Variants in LRP1B observed in about 807,000 individuals in gnomAD.
The protein encoded by LRP1B is low-density lipoprotein receptor-related protein 1B.
LRP1B carries 217 observed loss-of-function variants against 556.6 expected under a neutral mutation model. That is an observed-to-expected ratio of 0.39 (90% CI 0.35 to 0.44). The LOEUF (loss-of-function observed/expected upper bound fraction) is 0.44, where lower values mean the gene tolerates loss of function less well. Ranked by LOEUF, LRP1B falls within the 20% of genes least tolerant of loss-of-function variation. The pLI, the probability that LRP1B is intolerant of heterozygous loss-of-function variation, is 1.00. For synonymous variants in LRP1B, 2,047 were observed against 1,865.8 expected (o/e 1.10, Z -2.50); for missense variants, 5,053 against 5,620.8 (o/e 0.90, Z 3.23).
In LRP1B at chr2:141,686,825, G is replaced by A. The variant is rs573782964; in HGVS notation, c.205+123454C>T. Among the ~76,000 whole-genome samples, 5 of 151,930 alleles carry A rather than the reference G, an allele frequency of 3.3e-5. No homozygotes were observed. In the South Asian group the frequency reaches 1.0e-3, roughly 32 times the overall value. On this transcript the variant is annotated intron_variant, in intron 2 of 90. Coordinates refer to ENST00000389484, the MANE Select transcript of LRP1B (RefSeq NM_018557.3). ...AATGGGTTATCATGGGAGGGGAACT[G>A]GTGGCTTTATAGGAAGAGGAAGACA...
chr2:140,309,782 T>C (rs1684216769), intron 83 of LRP1B, among the ~76,000 whole-genome samples: 1 of 151,828 alleles, frequency 6.6e-6, no homozygotes, highest in African/African-American at 2.4e-5. Flanking sequence ...TATTTCTTTA[T>C]ACAGATATTT....
At chr2:140,337,497 T>A (rs1349597721) in intron 77 of LRP1B, among the ~76,000 whole-genome samples, 1 of 151,884 alleles carries the variant, frequency 6.6e-6, no homozygotes, top group African/African-American at 2.4e-5. Context: ...CGTATTTTTA[T>A]TTTCAACTTG....
At chr2:140,509,083 A>AACACACACACACAC in intron 52 of LRP1B, among the ~76,000 whole-genome samples, 1 of 148,902 alleles carries the variant, frequency 6.7e-6, no homozygotes, top group East Asian at 2.0e-4. Context: ...CACACACACA[A>AACACACACACACAC]ACACACACAC....
intron 1 of LRP1B, among the ~76,000 whole-genome samples, chr2:141,869,024 G>A: frequency 6.6e-6 from 1 of 152,080 alleles, no homozygotes; most frequent in East Asian, 1.9e-4. Context: ...TATTGCCCTT[G>A]AAGGAGGCAA....
intron 7 of LRP1B, among the ~76,000 whole-genome samples, chr2:141,105,401 T>A (rs1209713990): frequency 2.0e-5 from 3 of 152,158 alleles, no homozygotes; most frequent in African/African-American, 7.2e-5. Context: ...GTGCTGTGTT[T>A]ACTCTTACCA....
At chr2:141,469,485 T>C (rs1354204885) in intron 3 of LRP1B, among the ~76,000 whole-genome samples, 4 of 134,076 alleles carry the variant, frequency 3.0e-5, no homozygotes, top group Admixed American at 7.6e-5. Context: ...GATTCCATTT[T>C]CCATGAGGGC....
At chr2:141,581,585 T>C (rs551414978) in intron 2 of LRP1B, among the ~76,000 whole-genome samples, 40 of 152,280 alleles carry the variant, frequency 2.6e-4, no homozygotes, top group African/African-American at 7.5e-4. Flanking sequence ...AACATGAATA[T>C]TTCTTTAAAA....
intron 56 of LRP1B, 41 bp from the exon 57 acceptor site, chr2:140,492,734 T>A: frequency 7.5e-7 from 1 of 1,337,586 alleles, no homozygotes; most frequent in Non-Finnish European, 1.1e-6. Flanking sequence ...TTTAAGTATG[T>A]ATGCTTTTCC....
intron 1 of LRP1B, among the ~76,000 whole-genome samples, chr2:142,085,671 A>G (rs1272693530): frequency 6.6e-6 from 1 of 152,162 alleles, no homozygotes; most frequent in Admixed American, 6.5e-5. Context: ...GTGTATGTGT[A>G]TGAGAGAAAC....
chr2:141,674,742 C>T lies in LRP1B; in HGVS notation c.205+135537G>A, dbSNP rs114891225. ...AAGGGTACACATATAAAAATGGAAT[C>T]GCAGGGAATTGTATCCAGATATTTC... On this transcript the variant is annotated intron_variant, in intron 2 of 90. Coordinates refer to ENST00000389484, the MANE Select transcript of LRP1B (RefSeq NM_018557.3). 1.4e-3 allele frequency among the ~76,000 whole-genome samples: 219 copies of T among 152,050 alleles called. 1 individual carries two copies. Among genetic ancestry groups the T allele is most frequent in the African/African-American group, 4.9e-3 (203 of 41,528 alleles).
intron 3 of LRP1B, among the ~76,000 whole-genome samples, chr2:141,285,998 C>T (rs1387121788): frequency 4.7e-5 from 5 of 106,992 alleles, no homozygotes; most frequent in African/African-American, 1.9e-4. Context: ...ACCCGGGAGG[C>T]GGAGCTTGCA....
intron 7 of LRP1B, among the ~76,000 whole-genome samples, chr2:141,086,634 GT>G (rs1700053891): frequency 2.6e-5 from 4 of 151,572 alleles, no homozygotes; most frequent in African/African-American, 9.7e-5. Flanking sequence ...GTGTGTGTGT[GT>G]GTGTGTGTGT....
intron 1 of LRP1B, among the ~76,000 whole-genome samples, chr2:142,040,354 TAATATTTGCACATTCCGGGAGGCA>T (rs1704021130): frequency 6.6e-6 from 1 of 151,342 alleles, no homozygotes; most frequent in Non-Finnish European, 1.5e-5. Flanking sequence ...GATTCTGAAA[TAATATTTGCACATTCCGGGAGGCA>T]AATTTATCCT....
At chr2:140,812,648 C>T (rs1293112909) in intron 32 of LRP1B, among the ~76,000 whole-genome samples, 1 of 150,772 alleles carries the variant, frequency 6.6e-6, no homozygotes, top group East Asian at 1.9e-4. Context: ...AGTAAAATGG[C>T]TAAAAGATTT....
At chr2:140,467,298 C>G (rs1422119509) in intron 60 of LRP1B, among the ~76,000 whole-genome samples, 1 of 152,000 alleles carries the variant, frequency 6.6e-6, no homozygotes, top group African/African-American at 2.4e-5. Context: ...ATGTTGACAC[C>G]TAATATCTCA....
chr2:141,655,550 T>C (rs1262608707), intron 2 of LRP1B, among the ~76,000 whole-genome samples: 1 of 152,134 alleles, frequency 6.6e-6, no homozygotes, highest in Non-Finnish European at 1.5e-5. Context: ...GAATATGCAT[T>C]TAATATTTTT....
intron 35 of LRP1B, among the ~76,000 whole-genome samples, chr2:140,767,106 AAACTCT>A: frequency 6.6e-6 from 1 of 151,750 alleles, no homozygotes; most frequent in Non-Finnish European, 1.5e-5. Flanking sequence ...GTCTGTGGCT[AAACTCT>A]GGTTTCTTCC....
intron 41 of LRP1B, among the ~76,000 whole-genome samples, chr2:140,648,866 C>G (rs1412763696): frequency 6.6e-6 from 1 of 152,090 alleles, no homozygotes; most frequent in South Asian, 2.1e-4. Context: ...TAACCCCTCA[C>G]ACAATATCAC....
intron 3 of LRP1B, among the ~76,000 whole-genome samples, chr2:141,292,244 G>A (rs1004858077): frequency 3.9e-5 from 6 of 151,998 alleles, no homozygotes; most frequent in East Asian, 1.9e-4. Context: ...CCCCCATCCC[G>A]GTCTGTGGAA....
Sources: allele counts gnomAD v4.1 joint callset (sites outside exome capture counted in the v4.1 genomes callset), GRCh38; gene constraint gnomAD v4.1.1; transcripts MANE v1.5; gene names NCBI Gene and HGNC (gene_info 2026-07-23, HGNC 2026-07-21).